The following FRMD4A variants were observed in gnomAD, a reference collection of about 807,000 sequenced individuals.
FRMD4A encodes FERM domain-containing protein 4A.
Under a neutral mutation model 129.1 loss-of-function variants are expected in FRMD4A, and 29 were observed. That is an observed-to-expected ratio of 0.22 (90% confidence interval 0.17 to 0.31). The LOEUF (loss-of-function observed/expected upper bound fraction) is 0.31, where lower values mean the gene tolerates loss of function less well. Among genes scored for constraint, FRMD4A ranks in the 10% least tolerant of loss-of-function variants. The probability of loss-of-function intolerance (pLI) is 1.00; values close to 1 mark genes in which losing one functional copy is unlikely to be tolerated. For synonymous variants in FRMD4A, 634 were observed against 571.6 expected (o/e 1.11, Z -1.56); for missense variants, 1,272 against 1,375.8 (o/e 0.92, Z 1.19).
intron 2 of FRMD4A, among the ~76,000 whole-genome samples, chr10:14,277,856 T>C (rs942956234): frequency 3.3e-5 from 5 of 152,226 alleles, no homozygotes; most frequent in Admixed American, 3.3e-4. Flanking sequence ...CTCTGACTTC[T>C]CAAGGTCATG....
At chr10:13,707,489 G>T (rs909704856) in intron 12 of FRMD4A, 11 of 1,013,572 alleles carry the variant, frequency 1.1e-5, no homozygotes, top group Non-Finnish European at 1.3e-5. Flanking sequence ...CAGCAGGGAA[G>T]GCGGCGGGTG....
At chr10:14,039,359 T>TGTCC (rs60914319) in intron 2 of FRMD4A, among the ~76,000 whole-genome samples, 56,509 of 128,048 alleles carry the variant, frequency 0.44, 12,110 homozygotes, top group Non-Finnish European at 0.52. Flanking sequence ...CTTTCTGATC[T>TGTCC]GTCCGTCCGT....
chr10:13,710,064 G>A (rs2087858376), intron 12 of FRMD4A, among the ~76,000 whole-genome samples: 1 of 152,100 alleles, frequency 6.6e-6, no homozygotes, highest in Admixed American at 6.5e-5. Flanking sequence ...TGCTCATTGT[G>A]GACTTGATCC....
intron 2 of FRMD4A, among the ~76,000 whole-genome samples, chr10:14,201,866 C>T (rs1026634696): frequency 6.6e-6 from 1 of 152,148 alleles, no homozygotes; most frequent in African/African-American, 2.4e-5. Context: ...TGCGGTGGCT[C>T]ATGCCTGTAA....
rs1201929280 is a variant in FRMD4A, at chr10:14,227,426, AT to A, written c.45+102631del. The stretch of plus-strand genomic sequence containing the variant: ...ACCACTAACCCCGGCTAATTTTTGT[AT>A]TTTTAGTAGAGATGAGGTTTCGCCA... On this transcript the variant is annotated intron_variant, in intron 2 of 24. Coordinates refer to ENST00000357447, the MANE Select transcript of FRMD4A (RefSeq NM_018027.5). Among the ~76,000 whole-genome samples the A allele has an allele frequency of 5.3e-5, 8 of 151,112 alleles. No homozygotes were observed. The East Asian group carries it at 1.6e-3, about 30-fold the overall frequency.
chr10:14,187,493 G>A (rs1842185040), intron 2 of FRMD4A, among the ~76,000 whole-genome samples: 1 of 152,144 alleles, frequency 6.6e-6, no homozygotes, highest in Non-Finnish European at 1.5e-5. Context: ...CTTAGAGAAC[G>A]CTCCATGGAC....
At chr10:14,274,289 A>G (rs986921406) in intron 2 of FRMD4A, among the ~76,000 whole-genome samples, 1 of 152,230 alleles carries the variant, frequency 6.6e-6, no homozygotes, top group African/African-American at 2.4e-5. Flanking sequence ...ATCTCTTAGC[A>G]GATTACGATC....
chr10:13,979,537 A>G (rs147294612), intron 2 of FRMD4A, among the ~76,000 whole-genome samples: 134 of 152,336 alleles, frequency 8.8e-4, no homozygotes, highest in African/African-American at 3.0e-3. Context: ...TCAGATATGA[A>G]GGAGGTGAAG....
intron 2 of FRMD4A, chr10:14,326,141 T>G (rs968147938): frequency 6.6e-6 from 1 of 152,228 alleles, no homozygotes; most frequent in Admixed American, 6.5e-5. Flanking sequence ...ATATTTTTTC[T>G]TGCTAGAGTC....
intron 2 of FRMD4A, among the ~76,000 whole-genome samples, chr10:14,021,538 T>C (rs1393768824): frequency 6.6e-6 from 1 of 151,860 alleles, no homozygotes; most frequent in Non-Finnish European, 1.5e-5. Flanking sequence ...GCCTGGGGGA[T>C]AGAGGGAGAC....
chr10:14,245,446 G>A (rs1002685039), intron 2 of FRMD4A, among the ~76,000 whole-genome samples: 4 of 152,192 alleles, frequency 2.6e-5, no homozygotes, highest in African/African-American at 9.7e-5. Context: ...TAGAGTATTT[G>A]CAGCATTCAA....
intron 2 of FRMD4A, among the ~76,000 whole-genome samples, chr10:14,210,022 C>T (rs1842893730): frequency 6.6e-6 from 1 of 152,200 alleles, no homozygotes; most frequent in Admixed American, 6.5e-5. Context: ...GCCAACCCTG[C>T]AGGCATCTCA....
chr10:13,921,955 G>T (rs2141460), intron 2 of FRMD4A, among the ~76,000 whole-genome samples: 138,865 of 152,254 alleles, frequency 0.91, 63,431 homozygotes, highest in South Asian at 0.94. Context: ...TTTTTGGAGA[G>T]GAGGCCTTTG....
intron 5 of FRMD4A, among the ~76,000 whole-genome samples, chr10:13,785,368 T>C (rs917039228): frequency 2.0e-5 from 3 of 152,186 alleles, no homozygotes; most frequent in Non-Finnish European, 2.9e-5. Context: ...ATGGACTGGC[T>C]GATCTCTGCC....
Position 14,203,826 on chromosome 10 carries a change from G to C in FRMD4A, c.45+126232C>G, listed in dbSNP as rs72778642. 7.9e-5 allele frequency among the ~76,000 whole-genome samples: 12 copies of C among 152,278 alleles called. No individual in the cohort carries two copies. The East Asian group carries it at 2.1e-3, about 27-fold the overall frequency. On this transcript the variant is annotated intron_variant, in intron 2 of 24. Coordinates refer to ENST00000357447, the MANE Select transcript of FRMD4A (RefSeq NM_018027.5). ...CTTGACTTTTAAAACGCTCCTCCTC[G>C]AAAAGCATTCATTTGAATTGTGCCT... is the stretch of plus-strand genomic sequence containing the variant.
chr10:14,097,556 T>A (rs2131767449), intron 2 of FRMD4A, among the ~76,000 whole-genome samples: 1 of 152,268 alleles, frequency 6.6e-6, no homozygotes. Context: ...ACAGCTAACA[T>A]AGGACAGAAC....
At chr10:14,265,172 T>C (rs1844936369) in intron 2 of FRMD4A, among the ~76,000 whole-genome samples, 1 of 152,188 alleles carries the variant, frequency 6.6e-6, no homozygotes, top group South Asian at 2.1e-4. Context: ...TTTCTCCTCT[T>C]AGTACCCAAC....
At chr10:13,718,683 G>A (rs1188154914) in intron 12 of FRMD4A, among the ~76,000 whole-genome samples, 1 of 152,240 alleles carries the variant, frequency 6.6e-6, no homozygotes, top group African/African-American at 2.4e-5. Flanking sequence ...GGGAAGAGGA[G>A]GGGCGGAAGC....
At chr10:13,784,545 G>A (rs2092809162) in intron 5 of FRMD4A, among the ~76,000 whole-genome samples, 1 of 152,204 alleles carries the variant, frequency 6.6e-6, no homozygotes. Context: ...AACTTGGAAT[G>A]TCCAGCTTCA....
Sources: gnomAD v4.1 joint callset for allele counts (sites outside exome capture counted in the v4.1 genomes callset) on GRCh38, gnomAD v4.1.1 for gene constraint, MANE v1.5 for transcripts, NCBI Gene and HGNC (gene_info 2026-07-23, HGNC 2026-07-21) for gene names.